ADGRG3: variants seen among roughly 807,000 people sequenced by gnomAD.
The protein encoded by ADGRG3 is adhesion G protein-coupled receptor G3, also known as G protein-coupled receptor 97.
In ADGRG3, 39 loss-of-function variants were observed where a neutral mutation model predicts 54.3. The observed-to-expected ratio is 0.72, with a 90% CI of 0.56 to 0.94. The LOEUF is 0.94. Ranked by LOEUF, ADGRG3 falls within the 40% of genes least tolerant of loss-of-function variation. The pLI is 0.00. For missense variants in ADGRG3, 654 were observed against 694.6 expected, an observed-to-expected ratio of 0.94 and a Z score of 0.66; for synonymous variants, 312 against 290.0, an observed-to-expected ratio of 1.08 and a Z score of -0.77.
chr16:57,667,453 C>T (rs529025728), upstream of ADGRG3, among the ~76,000 whole-genome samples: 11 of 152,398 alleles, frequency 7.2e-5, no homozygotes, highest in Non-Finnish European at 1.2e-4. Context: ...CCACCCCCAC[C>T]TCCCACCTGA....
chr16:57,678,595 G>T, intron 4 of ADGRG3: 2 of 504,728 alleles, frequency 4.0e-6, no homozygotes, highest in East Asian at 3.3e-5. Flanking sequence ...TGTGCTCTGT[G>T]TGTCCTCGTG....
chr16:57,679,330 C>G lies in ADGRG3; in HGVS notation c.627+19C>G. 6.2e-7 allele frequency: 1 copy of G among 1,613,080 alleles called. No homozygotes were observed. Among genetic ancestry groups the G allele is most frequent in the Non-Finnish European group, 8.5e-7 (1 of 1,179,658 alleles). On this transcript the variant is annotated intron_variant, in intron 5 of 11. Transcript: ENST00000333493. ...GCCCCCTGTGAGTCCCCTGCTCAGG[C>G]CTGGCAGCCACTGCAGGGCAGACAG...
chr16:57,681,371 TGTGTGC>T (rs3061879), intron 8 of ADGRG3, among the ~76,000 whole-genome samples: 35 of 84,714 alleles, frequency 4.1e-4, no homozygotes, highest in African/African-American at 2.1e-3. Context: ...TGTGTGTGTG[TGTGTGC>T]GCGCGTGCGT....
At chr16:57,668,066 G>GA (rs2048085169), upstream of ADGRG3, 1 of 544,518 alleles carries the variant, frequency 1.8e-6, no homozygotes, top group South Asian at 2.2e-5. Context: ...TAGCCCCGTA[G>GA]ATCCCACCCC....
chr16:57,682,478 C>A, intron 8 of ADGRG3: 1 of 985,220 alleles, frequency 1.0e-6, no homozygotes, highest in Non-Finnish European at 1.2e-6. Context: ...CACCCCCACC[C>A]TCCAAGCCCT....
intron 11 of ADGRG3, among the ~76,000 whole-genome samples, chr16:57,686,539 C>A: frequency 6.6e-6 from 1 of 152,152 alleles, no homozygotes; most frequent in Non-Finnish European, 1.5e-5. Flanking sequence ...GAGCTGCTAC[C>A]AGAATCAGAA....
At chr16:57,670,952 C>G (rs538609230) in intron 1 of ADGRG3, among the ~76,000 whole-genome samples, 1 of 152,116 alleles carries the variant, frequency 6.6e-6, no homozygotes, top group Non-Finnish European at 1.5e-5. Flanking sequence ...CGCCTCAGCC[C>G]CCAGCACCAC....
At chr16:57,673,493 G>A (rs749795467) in intron 2 of ADGRG3, 25 bp downstream of exon 2, 4 of 1,585,434 alleles carry the variant, frequency 2.5e-6, no homozygotes, top group Non-Finnish European at 2.6e-6. Context: ...TGAGCTGGAG[G>A]GGGAATCTGA....
At position 57,680,528 on chromosome 16, in the gene ADGRG3, G is replaced by T; in HGVS notation, c.792G>T (p.Thr264=). 1 of 1,613,812 alleles carries T rather than the reference G, an allele frequency of 6.2e-7. No homozygotes were observed. Among genetic ancestry groups the T allele is most frequent in the Non-Finnish European group, 8.5e-7 (1 of 1,179,886 alleles). Residue 264 remains threonine (T), a synonymous_variant, in exon 8 of 12, where the codon ACG becomes ACT. Coordinates refer to ENST00000333493, the MANE Select transcript of ADGRG3 (RefSeq NM_170776.5). ...AGAGACCCACCTTGGACCAGTCCAC[G>T]GTGCATATCCTCACACGCATCTCCC... is the stretch of plus-strand genomic sequence containing the variant. ...LLLRPTLDQS[T]VHILTRISQA...
intron 11 of ADGRG3, among the ~76,000 whole-genome samples, chr16:57,687,920 A>G (rs2048505013): frequency 6.6e-6 from 1 of 152,230 alleles, no homozygotes; most frequent in African/African-American, 2.4e-5. Context: ...TTTGTCTTGC[A>G]TATAGAGGTT....
intron 8 of ADGRG3, 141 bp from the exon 9 acceptor site, chr16:57,683,791 G>C (rs1302825474): frequency 1.7e-6 from 1 of 603,412 alleles, no homozygotes; most frequent in African/African-American, 1.9e-5. Flanking sequence ...GCTGCCGGCA[G>C]GGATGGAAGC....
chr16:57,685,002 T>A (rs573771369), intron 10 of ADGRG3, among the ~76,000 whole-genome samples: 1 of 152,216 alleles, frequency 6.6e-6, no homozygotes, highest in Non-Finnish European at 1.5e-5. Context: ...AGTCTCCTCA[T>A]CTGCACCATG....
intron 8 of ADGRG3, chr16:57,682,458 T>C (rs2048391449): frequency 1.0e-6 from 1 of 983,334 alleles, no homozygotes; most frequent in Non-Finnish European, 1.2e-6. Context: ...TGAGTGTAAA[T>C]GGTGCCCCTC....
rs1275612533 is a variant in ADGRG3 at position 57,688,236 on chromosome 16, C to T, written c.1541-116C>T. On this transcript the variant is annotated intron_variant, in intron 11 of 11. Coordinates refer to ENST00000333493, the MANE Select transcript of ADGRG3 (RefSeq NM_170776.5). ...GAAATGGTTGCATTTTTGCCTTTCC[C>T]AGCAGTTCTTGAGTGGTTACGGTGG... The T allele has an allele frequency of 9.9e-6, 7 of 703,552 alleles. No homozygotes were observed. The African/African-American group carries it at 1.1e-4, about 11-fold the overall frequency. 43.6% of individuals were successfully genotyped at this position (703,552 alleles called of 1,614,324 possible).
rs28691626 is a variant in ADGRG3, at chr16:57,681,383, T to C, written c.881+766T>C. On this transcript the variant is annotated intron_variant, in intron 8 of 11. Coordinates refer to ENST00000333493, the MANE Select transcript of ADGRG3 (RefSeq NM_170776.5). Reference sequence around the variant, plus strand: ...GTGTGTGTGTGTGTGTGTGCGCGCGTGCGTGCGCGCAGGACATATCATTTG... The same window carrying C: ...GTGTGTGTGTGTGTGTGTGCGCGCGCGCGTGCGCGCAGGACATATCATTTG... 7.3e-3 allele frequency among the ~76,000 whole-genome samples: 647 copies of C among 88,204 alleles called. 15 individuals carry two copies. Among genetic ancestry groups the C allele is most frequent in the African/African-American group, 0.032 (603 of 18,870 alleles). The allele number at this position is 88,204 out of a possible 152,430, so 57.9% of individuals were successfully genotyped here. A position where few individuals can be genotyped will look rare whatever the true frequency, so the allele number is the denominator to read the frequency against.
In ADGRG3 at chr16:57,680,558, G is replaced by A. The variant is rs767994077; in HGVS notation, c.822G>A (p.Ala274=). 24 of 1,613,750 alleles carry A rather than the reference G, an allele frequency of 1.5e-5. No homozygotes were observed. The highest frequency in any genetic ancestry group is 2.7e-5 in the African/African-American group (2 of 74,832). Residue 274 remains alanine, a synonymous_variant, in exon 8 of 12, where the codon GCG becomes GCA. Coordinates refer to ENST00000333493, the MANE Select transcript of ADGRG3 (RefSeq NM_170776.5). ...TVHILTRISQ[A]GCGVSMIFLA... is the part of the protein sequence containing the mutation. The stretch of plus-strand genomic sequence containing the variant: ...ATATCCTCACACGCATCTCCCAGGC[G>A]GGCTGTGGGGTCTCCATGATCTTCC...
At position 57,680,277 on chromosome 16, in the gene ADGRG3, A is replaced by C. The variant is rs1352323028; in HGVS notation, c.680A>C (p.Asp227Ala). The change falls in exon 7 of 12, where the codon GAC becomes GCC. Residue 227 changes from aspartate (D) to alanine (A), a missense_variant. Coordinates refer to ENST00000333493, the MANE Select transcript of ADGRG3 (RefSeq NM_170776.5). ...GCCTCCTCTCCAGGGACCACTGGAGACTGGTCTTCTGAGGGCTGCTCCACG... is the reference window on the plus strand; with the variant it reads ...GCCTCCTCTCCAGGGACCACTGGAGCCTGGTCTTCTGAGGGCTGCTCCACG... ...FWDVTKGTTG[D>A]WSSEGCSTEV... 6.3e-7 allele frequency: 1 copy of C among 1,592,810 alleles called. No individual in the cohort carries two copies. Among genetic ancestry groups the C allele is most frequent in the Non-Finnish European group, 8.5e-7 (1 of 1,173,048 alleles).
In ADGRG3 at chr16:57,680,019, C is replaced by A. The variant is rs1446367204; in HGVS notation, c.667+164C>A. ...ATCCCCTCCCTTCCCCTCCCCTCCC[C>A]CCCCTCCTCACCTCCCCTTCCTCCT... On this transcript the variant is annotated intron_variant, in intron 6 of 11. Coordinates refer to ENST00000333493, the MANE Select transcript of ADGRG3 (RefSeq NM_170776.5). Among the ~76,000 whole-genome samples the A allele has an allele frequency of 6.0e-5, 5 of 82,956 alleles. No homozygotes were observed. In the East Asian group the frequency reaches 1.7e-3, roughly 28 times the overall value. 54.4% of individuals were successfully genotyped at this position (82,956 alleles called of 152,430 possible). A position where few individuals can be genotyped will look rare whatever the true frequency, so the allele number is the denominator to read the frequency against.
intron 1 of ADGRG3, among the ~76,000 whole-genome samples, chr16:57,672,713 C>G (rs1410266104): frequency 1.3e-5 from 2 of 152,200 alleles, no homozygotes; most frequent in African/African-American, 4.8e-5. Flanking sequence ...CCTGGAGCAG[C>G]CTCCAACTAG....
Sources: allele counts gnomAD v4.1 joint callset (sites outside exome capture counted in the v4.1 genomes callset), GRCh38; gene constraint gnomAD v4.1.1; transcripts MANE v1.5; gene names NCBI Gene and HGNC (gene_info 2026-07-23, HGNC 2026-07-21).